The following BNC2 variants were observed in gnomAD, a reference collection of about 807,000 sequenced individuals.
The protein encoded by BNC2 is zinc finger protein basonuclin-2.
In BNC2, 20 loss-of-function variants were observed where a neutral mutation model predicts 76.3. That is an observed-to-expected ratio of 0.26 (90% CI 0.18 to 0.38). The LOEUF (loss-of-function observed/expected upper bound fraction) is 0.38, where lower values mean the gene tolerates loss of function less well. Ranked by LOEUF, BNC2 falls within the 10% of genes least tolerant of loss-of-function variation. BNC2 has a pLI of 1.00. For missense variants in BNC2, 1,382 were observed against 1,399.8 expected (o/e 0.99, Z 0.20); for synonymous variants, 582 against 514.8 (o/e 1.13, Z -1.77).
chr9:16,497,952 G>T, intron 5 of BNC2, among the ~76,000 whole-genome samples: 1 of 147,552 alleles, frequency 6.8e-6, no homozygotes, highest in Non-Finnish European at 1.5e-5. Context: ...AATGCCCACC[G>T]ATCAATGAGT....
chr9:16,711,474 C>G (rs1298583390), intron 3 of BNC2, among the ~76,000 whole-genome samples: 1 of 152,200 alleles, frequency 6.6e-6, no homozygotes, highest in Non-Finnish European at 1.5e-5. Flanking sequence ...AAAAGAACAG[C>G]ATGAAGTGAT....
At chr9:16,602,654 T>A (rs1820275353) in intron 3 of BNC2, among the ~76,000 whole-genome samples, 1 of 152,172 alleles carries the variant, frequency 6.6e-6, no homozygotes, top group South Asian at 2.1e-4. Context: ...TGATGGGGTT[T>A]TGGAGACATG....
chr9:16,510,930 GC>G (rs1822739910), intron 5 of BNC2, among the ~76,000 whole-genome samples: 1 of 151,704 alleles, frequency 6.6e-6, no homozygotes, highest in Non-Finnish European at 1.5e-5. Context: ...ACCTCAATAT[GC>G]AATTCTCATT....
At chr9:16,738,942 A>G (rs917279291) in intron 1 of BNC2, among the ~76,000 whole-genome samples, 16 of 151,786 alleles carry the variant, frequency 1.1e-4, no homozygotes, top group African/African-American at 3.9e-4. Flanking sequence ...TAAGCTATGA[A>G]CAAAACAACC....
chr9:16,711,684 T>C (rs1823851624), intron 3 of BNC2, among the ~76,000 whole-genome samples: 1 of 152,156 alleles, frequency 6.6e-6, no homozygotes, highest in South Asian at 2.1e-4. Flanking sequence ...AAATGAAAAA[T>C]TACTTGATCA....
At chr9:16,465,330 G>A (rs184543123) in intron 5 of BNC2, among the ~76,000 whole-genome samples, 1 of 149,862 alleles carries the variant, frequency 6.7e-6, no homozygotes, top group East Asian at 2.0e-4. Context: ...CAGCTACTAT[G>A]GAGGCTTAGG....
At chr9:16,559,609 T>G (rs1818950165) in intron 4 of BNC2, among the ~76,000 whole-genome samples, 1 of 152,230 alleles carries the variant, frequency 6.6e-6, no homozygotes, top group African/African-American at 2.4e-5. Context: ...AGTCCCTAAC[T>G]GCCAGCAATC....
At chr9:16,666,304 T>C (rs1822288557) in intron 3 of BNC2, among the ~76,000 whole-genome samples, 1 of 152,346 alleles carries the variant, frequency 6.6e-6, no homozygotes, top group South Asian at 2.1e-4. Flanking sequence ...TTCACTCTGG[T>C]AATGTTGGCA....
intron 1 of BNC2, among the ~76,000 whole-genome samples, chr9:16,786,863 A>G (rs1207564819): frequency 2.0e-5 from 3 of 152,106 alleles, no homozygotes; most frequent in Non-Finnish European, 4.4e-5. Context: ...CCCTTCCCCC[A>G]TCCCAAAACT....
intron 3 of BNC2, among the ~76,000 whole-genome samples, chr9:16,716,693 C>T (rs766141970): frequency 2.0e-5 from 3 of 152,178 alleles, no homozygotes; most frequent in Non-Finnish European, 2.9e-5. Flanking sequence ...AACTGTAGTA[C>T]GTAGGCTATG....
chr9:16,424,845 C>T (rs1375971685), intron 6 of BNC2, among the ~76,000 whole-genome samples: 1 of 152,178 alleles, frequency 6.6e-6, no homozygotes, highest in African/African-American at 2.4e-5. Flanking sequence ...TGCTACAACA[C>T]TATCTATTAC....
chr9:16,598,953 T>C (rs1342137641), intron 3 of BNC2, among the ~76,000 whole-genome samples: 1 of 152,226 alleles, frequency 6.6e-6, no homozygotes, highest in Non-Finnish European at 1.5e-5. Context: ...TTAAATAGGG[T>C]TGTGCCTTAA....
chr9:16,615,870 G>A (rs1372672146), intron 3 of BNC2, among the ~76,000 whole-genome samples: 1 of 152,026 alleles, frequency 6.6e-6, no homozygotes, highest in Non-Finnish European at 1.5e-5. Flanking sequence ...GAGCATGATT[G>A]GTACTATTAT....
intron 3 of BNC2, among the ~76,000 whole-genome samples, chr9:16,607,301 G>A (rs1352752454): frequency 6.6e-6 from 1 of 151,756 alleles, no homozygotes; most frequent in South Asian, 2.1e-4. Context: ...CTCAGAGAAA[G>A]AAAAAAACAG....
At chr9:16,474,632 C>G (rs1821892338) in intron 5 of BNC2, among the ~76,000 whole-genome samples, 1 of 152,114 alleles carries the variant, frequency 6.6e-6, no homozygotes, top group African/African-American at 2.4e-5. Context: ...CTCTGCAACA[C>G]TTTGTTTTGA....
At position 16,870,668 on chromosome 9, in the gene BNC2, A is replaced by G; in HGVS notation, c.-20T>C. On this transcript the variant is annotated 5_prime_UTR_variant, in exon 1 of 7. Transcript: ENST00000380672. ...TACCATCTCGGCATGCTGGTTGTCA[A>G]GTGCAGCCCCCGCCTCTTGGTCTCC... 6.2e-7 allele frequency: 1 copy of G among 1,609,840 alleles called. No homozygotes were observed. The highest frequency in any genetic ancestry group is 8.5e-7 in the Non-Finnish European group (1 of 1,178,132).
rs189145458 is a variant in BNC2 at position 16,449,413 on chromosome 9, T to C, written c.670-11889A>G. On this transcript the variant is annotated intron_variant, in intron 5 of 6. Coordinates refer to ENST00000380672, the MANE Select transcript of BNC2 (RefSeq NM_017637.6). ...CAGATTACCTTGTCATTATGCATCC[T>C]GGAGCCTTTTAAACAATATGGGTAA... Among the ~76,000 whole-genome samples, 52 of 152,312 alleles carry C rather than the reference T, an allele frequency of 3.4e-4. No homozygotes were observed. In the East Asian group the frequency reaches 9.8e-3, roughly 29 times the overall value.
At chr9:16,777,029 G>C (rs146568531) in intron 1 of BNC2, among the ~76,000 whole-genome samples, 5,092 of 152,184 alleles carry the variant, frequency 0.033, 250 homozygotes, top group African/African-American at 0.11. Context: ...AGTAGGTTGA[G>C]GCAAGAGAAT....
chr9:16,558,691 G>C (rs1274077086), intron 4 of BNC2, among the ~76,000 whole-genome samples: 1 of 152,170 alleles, frequency 6.6e-6, no homozygotes, highest in Non-Finnish European at 1.5e-5. Flanking sequence ...AGCACTTTGG[G>C]AGGTTGAGGC....
Sources: allele counts gnomAD v4.1 joint callset (sites outside exome capture counted in the v4.1 genomes callset), GRCh38; gene constraint gnomAD v4.1.1; transcripts MANE v1.5; gene names NCBI Gene and HGNC (gene_info 2026-07-23, HGNC 2026-07-21).